The following DENND1A variants were observed in gnomAD, a reference collection of about 807,000 sequenced individuals.
The protein encoded by DENND1A is DENN domain containing 1A.
In DENND1A, 51 loss-of-function variants were observed where a neutral mutation model predicts 113.7. That is an observed-to-expected ratio of 0.45 (90% CI 0.36 to 0.57). The LOEUF is 0.57. Ranked by LOEUF, DENND1A falls within the 20% of genes least tolerant of loss-of-function variation. DENND1A has a pLI of 0.00. For missense variants in DENND1A, 1,258 were observed against 1,395.9 expected, an observed-to-expected ratio of 0.90 and a Z score of 1.57; for synonymous variants, 565 against 570.8, an observed-to-expected ratio of 0.99 and a Z score of 0.14.
In DENND1A at chr9:123,499,825, G is replaced by A. The variant is rs114868485; in HGVS notation, c.994-41928C>T. Among the ~76,000 whole-genome samples, 1,147 of 152,242 alleles carry A rather than the reference G, an allele frequency of 7.5e-3. 15 individuals are homozygous for A. The highest frequency in any genetic ancestry group is 0.026 in the African/African-American group (1,066 of 41,530). Reference sequence around the variant, plus strand: ...AGCTGGCTGCTCCCACAGCTCTTCCGGCTCACAGCAAACGCTCCTGACTCC... The same window carrying A: ...AGCTGGCTGCTCCCACAGCTCTTCCAGCTCACAGCAAACGCTCCTGACTCC... On this transcript the variant is annotated intron_variant, in intron 13 of 23. Coordinates refer to ENST00000394215, the MANE Select transcript of DENND1A (RefSeq NM_001352964.2).
chr9:123,523,601 A>C (rs551963266), intron 13 of DENND1A, among the ~76,000 whole-genome samples: 2 of 152,346 alleles, frequency 1.3e-5, no homozygotes, highest in African/African-American at 4.8e-5. Flanking sequence ...TTCATACTGT[A>C]AAGTTAACCT....
At chr9:123,514,928 A>C (rs938863272) in intron 13 of DENND1A, among the ~76,000 whole-genome samples, 3 of 152,218 alleles carry the variant, frequency 2.0e-5, no homozygotes, top group Non-Finnish European at 2.9e-5. Context: ...TCCAGATCTG[A>C]GACAGGAAAT....
At chr9:123,410,202 G>A (rs770827135) in intron 20 of DENND1A, among the ~76,000 whole-genome samples, 16 of 152,216 alleles carry the variant, frequency 1.1e-4, no homozygotes, top group Non-Finnish European at 2.4e-4. Context: ...GCACAGCCCC[G>A]GAGGTGAAAT....
chr9:123,867,148 G>A (rs778832067), intron 2 of DENND1A, among the ~76,000 whole-genome samples: 5 of 152,032 alleles, frequency 3.3e-5, no homozygotes, highest in East Asian at 1.9e-4. Flanking sequence ...GCCTTTGAGC[G>A]GACTGCATGT....
At chr9:123,570,433 T>C (rs1481400962) in intron 12 of DENND1A, among the ~76,000 whole-genome samples, 2 of 151,974 alleles carry the variant, frequency 1.3e-5, no homozygotes, top group East Asian at 3.9e-4. Flanking sequence ...AAGAGAAAAA[T>C]GAGGCACCAC....
At chr9:123,552,033 G>GAGAGAC (rs1402403261) in intron 13 of DENND1A, among the ~76,000 whole-genome samples, 1 of 144,562 alleles carries the variant, frequency 6.9e-6, no homozygotes, top group Non-Finnish European at 1.5e-5. Context: ...GAGAGAGAGA[G>GAGAGAC]AGAGACAGAG....
At chr9:123,810,789 G>A (rs1302245197) in intron 2 of DENND1A, among the ~76,000 whole-genome samples, 4 of 140,644 alleles carry the variant, frequency 2.8e-5, no homozygotes, top group African/African-American at 8.0e-5. Context: ...ATGAAGTCTC[G>A]CTCTTGTCAC....
chr9:123,911,699 CT>C (rs112974905), intron 1 of DENND1A, among the ~76,000 whole-genome samples: 25,665 of 145,590 alleles, frequency 0.18, 4,088 homozygotes, highest in African/African-American at 0.44. Context: ...TTTTTTTTTT[CT>C]TTTTTTTTTT....
intron 13 of DENND1A, among the ~76,000 whole-genome samples, chr9:123,458,543 C>T (rs866146268): frequency 2.2e-4 from 33 of 152,190 alleles, no homozygotes; most frequent in Admixed American, 5.9e-4. Flanking sequence ...CTACACCCCA[C>T]ATCCCCTTCC....
chr9:123,479,968 A>T lies in DENND1A; in HGVS notation c.994-22071T>A, dbSNP rs1023848992. On this transcript the variant is annotated intron_variant, in intron 13 of 23. Coordinates refer to ENST00000394215, the MANE Select transcript of DENND1A (RefSeq NM_001352964.2). ...GGGAAGGCAAATGTCAGCTGAATTCATTTAACTAGCAACATATTCCCTAGT... is the reference window on the plus strand; with the variant it reads ...GGGAAGGCAAATGTCAGCTGAATTCTTTTAACTAGCAACATATTCCCTAGT... Among the ~76,000 whole-genome samples, 3 of 152,226 alleles carry T rather than the reference A, an allele frequency of 2.0e-5. No homozygotes were observed. The South Asian group carries it at 6.2e-4, about 32-fold the overall frequency.
intron 4 of DENND1A, among the ~76,000 whole-genome samples, chr9:123,767,468 GA>G (rs1829006411): frequency 6.6e-6 from 1 of 151,926 alleles, no homozygotes; most frequent in Non-Finnish European, 1.5e-5. Flanking sequence ...GATTCTGGAA[GA>G]AAAACATATT....
intron 13 of DENND1A, among the ~76,000 whole-genome samples, chr9:123,476,551 G>C (rs945756994): frequency 6.6e-6 from 1 of 152,154 alleles, no homozygotes; most frequent in Admixed American, 6.5e-5. Flanking sequence ...GCAGCACATA[G>C]AGATTCCCCT....
chr9:123,709,215 A>T (rs969253147), intron 5 of DENND1A, among the ~76,000 whole-genome samples: 51 of 152,328 alleles, frequency 3.3e-4, no homozygotes, highest in African/African-American at 1.2e-3. Context: ...AGACTCTGTA[A>T]CTAAGGCCTC....
chr9:123,870,251 T>G (rs1846354140), intron 2 of DENND1A, among the ~76,000 whole-genome samples: 1 of 150,214 alleles, frequency 6.7e-6, no homozygotes, highest in African/African-American at 2.5e-5. Context: ...CCACTGCACA[T>G]ACAGGTAATA....
At chr9:123,770,466 G>T (rs1240446451) in intron 3 of DENND1A, among the ~76,000 whole-genome samples, 1 of 152,066 alleles carries the variant, frequency 6.6e-6, no homozygotes, top group East Asian at 1.9e-4. Context: ...CATATATATA[G>T]CACATATACA....
At chr9:123,641,694 C>G (rs2139077754) in intron 9 of DENND1A, among the ~76,000 whole-genome samples, 1 of 152,256 alleles carries the variant, frequency 6.6e-6, no homozygotes, top group African/African-American at 2.4e-5. Context: ...TATGTCGTCT[C>G]AACATGAAAA....
intron 2 of DENND1A, among the ~76,000 whole-genome samples, chr9:123,871,437 C>A (rs1846597686): frequency 6.6e-6 from 1 of 152,088 alleles, no homozygotes; most frequent in African/African-American, 2.4e-5. Context: ...TTTTGAGTAT[C>A]CATTGTGATC....
chr9:123,794,025 C>T (rs1833406909), intron 2 of DENND1A, among the ~76,000 whole-genome samples: 1 of 152,224 alleles, frequency 6.6e-6, no homozygotes, highest in Non-Finnish European at 1.5e-5. Context: ...GACTAGAGAA[C>T]TCTGGAGTAA....
chr9:123,868,402 G>C (rs1327632737), intron 2 of DENND1A, among the ~76,000 whole-genome samples: 2 of 152,162 alleles, frequency 1.3e-5, no homozygotes, highest in Non-Finnish European at 2.9e-5. Context: ...ATAAACTCTT[G>C]CTTTAAACAA....
Sources: allele counts gnomAD v4.1 joint callset (sites outside exome capture counted in the v4.1 genomes callset), GRCh38; gene constraint gnomAD v4.1.1; transcripts MANE v1.5; gene names NCBI Gene and HGNC (gene_info 2026-07-23, HGNC 2026-07-21).